Variants in PTPRD observed in about 807,000 individuals in gnomAD.
PTPRD encodes receptor-type tyrosine-protein phosphatase delta.
PTPRD carries 34 observed loss-of-function variants against 214.5 expected under a neutral mutation model. The observed-to-expected ratio is 0.16, with a 90% CI of 0.12 to 0.21. The LOEUF is 0.21. PTPRD is among the 10% of genes least tolerant of loss of function. The pLI, the probability that PTPRD is intolerant of heterozygous loss-of-function variation, is 1.00. For missense variants in PTPRD, 2,545 were observed against 2,398.7 expected, an observed-to-expected ratio of 1.06 and a Z score of -1.27; for synonymous variants, 1,128 against 845.7, an observed-to-expected ratio of 1.33 and a Z score of -5.79.
chr9:10,092,314 T>C (rs2098440216), intron 3 of PTPRD, among the ~76,000 whole-genome samples: 1 of 151,384 alleles, frequency 6.6e-6, no homozygotes, highest in South Asian at 2.1e-4. Context: ...GTATCATACA[T>C]ATAAGCACTG....
intron 9 of PTPRD, among the ~76,000 whole-genome samples, chr9:9,245,471 G>A (rs1022588567): frequency 1.3e-5 from 2 of 152,074 alleles, no homozygotes; most frequent in African/African-American, 4.8e-5. Context: ...CCTTTGTAGG[G>A]ACATGGATGA....
At chr9:8,399,301 G>C (rs775578552) in intron 36 of PTPRD, among the ~76,000 whole-genome samples, 1 of 152,112 alleles carries the variant, frequency 6.6e-6, no homozygotes, top group Non-Finnish European at 1.5e-5. Context: ...ACTGGAGAAT[G>C]GGCTTGCAAA....
intron 27 of PTPRD, among the ~76,000 whole-genome samples, chr9:8,492,634 AT>A (rs1186686367): frequency 5.6e-5 from 8 of 144,024 alleles, no homozygotes; most frequent in South Asian, 2.2e-4. Flanking sequence ...AAAAAAAAAA[AT>A]ACTTATTGAA....
intron 14 of PTPRD, among the ~76,000 whole-genome samples, chr9:8,535,225 G>C (rs2076638997): frequency 6.6e-6 from 1 of 151,822 alleles, no homozygotes; most frequent in South Asian, 2.1e-4. Context: ...TAGATCTAAA[G>C]GGATCAGAGG....
chr9:9,698,192 G>GT (rs1265468408), intron 7 of PTPRD, among the ~76,000 whole-genome samples: 1 of 152,066 alleles, frequency 6.6e-6, no homozygotes, highest in Non-Finnish European at 1.5e-5. Context: ...CCTCTTTACT[G>GT]TTTTTTCTTG....
intron 3 of PTPRD, among the ~76,000 whole-genome samples, chr9:10,304,713 A>C (rs2095997630): frequency 6.6e-6 from 1 of 152,120 alleles, no homozygotes; most frequent in South Asian, 2.1e-4. Flanking sequence ...TATGTGAAAA[A>C]CCTCTTCAAG....
intron 2 of PTPRD, among the ~76,000 whole-genome samples, chr9:10,560,984 AT>A (rs1279509605): frequency 6.6e-6 from 1 of 152,202 alleles, no homozygotes; most frequent in Admixed American, 6.5e-5. Flanking sequence ...GTGGGGAGAA[AT>A]TCTGTTCGGA....
chr9:10,527,902 G>T (rs1158848665), intron 2 of PTPRD, among the ~76,000 whole-genome samples: 1 of 152,084 alleles, frequency 6.6e-6, no homozygotes, highest in Non-Finnish European at 1.5e-5. Context: ...GCTTTCAAGT[G>T]AATTACCCTT....
chr9:9,704,309 T>C (rs547083111), intron 7 of PTPRD, among the ~76,000 whole-genome samples: 67 of 151,972 alleles, frequency 4.4e-4, no homozygotes, highest in Non-Finnish European at 9.3e-4. Context: ...AAAAAAAAAA[T>C]TGTAGCCCTT....
At chr9:9,031,089 G>T (rs1452249574) in intron 10 of PTPRD, among the ~76,000 whole-genome samples, 1 of 151,956 alleles carries the variant, frequency 6.6e-6, no homozygotes, top group Admixed American at 6.6e-5. Flanking sequence ...AGAGAGACTT[G>T]ATGACCATCT....
At chr9:9,614,849 G>C (rs183508146) in intron 7 of PTPRD, among the ~76,000 whole-genome samples, 10 of 152,242 alleles carry the variant, frequency 6.6e-5, no homozygotes, top group African/African-American at 2.4e-4. Context: ...CTCTGCATTC[G>C]TTAGGCATAT....
At chr9:10,087,136 AG>A (rs1367963624) in intron 3 of PTPRD, among the ~76,000 whole-genome samples, 2 of 114,988 alleles carry the variant, frequency 1.7e-5, no homozygotes, top group African/African-American at 3.0e-5. Context: ...TATGTTTTAG[AG>A]TTTTTTTTTT....
At chr9:9,851,780 A>G (rs1464582203) in intron 5 of PTPRD, among the ~76,000 whole-genome samples, 1 of 152,214 alleles carries the variant, frequency 6.6e-6, no homozygotes, top group African/African-American at 2.4e-5. Context: ...ACCCTGTCTC[A>G]ATTAAAAACA....
At chr9:10,220,774 C>T (rs945153498) in intron 3 of PTPRD, among the ~76,000 whole-genome samples, 1 of 151,494 alleles carries the variant, frequency 6.6e-6, no homozygotes, top group African/African-American at 2.4e-5. Flanking sequence ...TGTATATATG[C>T]ACATGCTATT....
At chr9:9,088,319 G>A (rs1254857601) in intron 10 of PTPRD, among the ~76,000 whole-genome samples, 1 of 148,780 alleles carries the variant, frequency 6.7e-6, no homozygotes. Flanking sequence ...CGGGTGCGGT[G>A]GCTCACGCCT....
chr9:10,089,594 A>G (rs997788649), intron 3 of PTPRD, among the ~76,000 whole-genome samples: 3 of 151,698 alleles, frequency 2.0e-5, no homozygotes, highest in Non-Finnish European at 4.4e-5. Context: ...GATCTAGGTG[A>G]TTAAGTATAC....
At chr9:8,575,919 A>G (rs2092289570) in intron 14 of PTPRD, among the ~76,000 whole-genome samples, 2 of 151,326 alleles carry the variant, frequency 1.3e-5, no homozygotes, top group African/African-American at 4.8e-5. Context: ...GAACTCCATA[A>G]TCGACTCTGC....
rs1418374430 is a variant in PTPRD, at chr9:10,478,051, C to T, written c.-600+134347G>A. Among the ~76,000 whole-genome samples, 3 of 151,522 alleles carry T rather than the reference C, an allele frequency of 2.0e-5. No individual in the cohort carries two copies. The East Asian group carries it at 5.9e-4, about 30-fold the overall frequency. On this transcript the variant is annotated intron_variant, in intron 2 of 45. Transcript: ENST00000381196. ...CATGTGGGGCTCTAAACCTAGATAA[C>T]AGGTTGATAGGTGCAGGAAACCACC... is the stretch of plus-strand genomic sequence containing the variant.
chr9:10,216,433 A>G (rs2099541340), intron 3 of PTPRD, among the ~76,000 whole-genome samples: 1 of 151,960 alleles, frequency 6.6e-6, no homozygotes, highest in African/African-American at 2.4e-5. Flanking sequence ...CTTTATATAC[A>G]CCATTAAAAC....
Sources: allele counts gnomAD v4.1 joint callset (sites outside exome capture counted in the v4.1 genomes callset), GRCh38; gene constraint gnomAD v4.1.1; transcripts MANE v1.5; gene names NCBI Gene and HGNC (gene_info 2026-07-23, HGNC 2026-07-21).